Variants in HPS4 observed in about 807,000 individuals in gnomAD.
The protein encoded by HPS4 is HPS4 biogenesis of lysosomal organelles complex 3 subunit 2.
Under a neutral mutation model 70.3 loss-of-function variants are expected in HPS4, and 44 were observed. That is an observed-to-expected ratio of 0.63 (90% CI 0.49 to 0.80). The LOEUF (loss-of-function observed/expected upper bound fraction) is 0.80, where lower values mean the gene tolerates loss of function less well. HPS4 is among the 30% of genes least tolerant of loss of function. The pLI, the probability that HPS4 is intolerant of heterozygous loss-of-function variation, is 0.00. For synonymous variants in HPS4, 377 were observed against 355.9 expected (o/e 1.06, Z -0.67); for missense variants, 873 against 884.4 (o/e 0.99, Z 0.16).
chr22:26,450,712 C>A (rs1033872612), downstream of HPS4, among the ~76,000 whole-genome samples: 1 of 152,190 alleles, frequency 6.6e-6, no homozygotes, highest in Admixed American at 6.5e-5. Context: ...GTTCTTGTGA[C>A]AGTTCTCGTG....
downstream of HPS4, among the ~76,000 whole-genome samples, chr22:26,446,243 A>G (rs532499352): frequency 6.6e-6 from 1 of 151,762 alleles, no homozygotes; most frequent in East Asian, 1.9e-4. Context: ...ACCAATTACT[A>G]TTTGTAGAAG....
chr22:26,467,399 C>A (rs757248856), intron 8 of HPS4: 1 of 152,210 alleles, frequency 6.6e-6, no homozygotes, highest in African/African-American at 2.4e-5. Flanking sequence ...TTTGCCACCT[C>A]CTACTTTAAG....
intron 13 of HPS4, among the ~76,000 whole-genome samples, chr22:26,457,289 TCACTATAACCTCTGC>T (rs1174800978): frequency 2.8e-5 from 4 of 142,748 alleles, no homozygotes; most frequent in African/African-American, 7.8e-5. Context: ...TGATCTCAGC[TCACTATAACCTCTGC>T]CACCCGGGTT....
chr22:26,472,445 T>A, intron 5 of HPS4, 27 bp from the exon 6 acceptor site: 1 of 1,371,298 alleles, frequency 7.3e-7, no homozygotes, highest in Non-Finnish European at 1.0e-6. Flanking sequence ...CTCAGGTCAA[T>A]ATCTGAGATT....
exon 4 of HPS4, chr22:26,444,376 C>T (rs2084890915): frequency 6.6e-6 from 1 of 152,166 alleles, no homozygotes; most frequent in African/African-American, 2.4e-5. Context: ...AGTGAGGAGA[C>T]AGAGAAGACC....
intron 4 of HPS4, 122 bp downstream of exon 4, chr22:26,476,871 A>C (rs956653786): frequency 1.9e-6 from 2 of 1,065,784 alleles, no homozygotes; most frequent in African/African-American, 3.1e-5. Flanking sequence ...GGTGATTACT[A>C]AACACAGTAC....
chr22:26,478,693 A>AT (rs1569126850), intron 3 of HPS4, among the ~76,000 whole-genome samples: 1 of 150,660 alleles, frequency 6.6e-6, no homozygotes, highest in African/African-American at 2.4e-5. Context: ...TTATTTATTT[A>AT]TTTTTTTTGA....
At chr22:26,463,587 T>G (rs567897607) in intron 11 of HPS4, among the ~76,000 whole-genome samples, 1 of 152,328 alleles carries the variant, frequency 6.6e-6, no homozygotes, top group South Asian at 2.1e-4. Context: ...TTCACACAGC[T>G]AGAGGACAAG....
intron 11 of HPS4, among the ~76,000 whole-genome samples, chr22:26,462,143 AAG>A (rs2087422163): frequency 6.6e-6 from 1 of 150,416 alleles, no homozygotes; most frequent in Non-Finnish European, 1.5e-5. Context: ...AAAAAAAAAA[AAG>A]AAGAAAAGAT....
chr22:26,477,472 G>T (rs987051940), intron 3 of HPS4, among the ~76,000 whole-genome samples: 2 of 152,164 alleles, frequency 1.3e-5, no homozygotes, highest in Non-Finnish European at 2.9e-5. Context: ...TAGGATTATA[G>T]GCATATGCTT....
At chr22:26,470,932 G>A (rs778771825) in intron 6 of HPS4, 119 bp from the exon 7 acceptor site, 18 of 1,550,836 alleles carry the variant, frequency 1.2e-5, no homozygotes, top group East Asian at 4.9e-5. Context: ...CCTGGAAAAG[G>A]AGAATGTGTC....
chr22:26,465,340 T>C lies in HPS4; in HGVS notation c.803+115A>G, dbSNP rs1022922407. 10 of 761,350 alleles carry C rather than the reference T, an allele frequency of 1.3e-5. No individual in the cohort carries two copies. The African/African-American group carries it at 1.4e-4, about 10-fold the overall frequency. 47.2% of individuals were successfully genotyped at this position (761,350 alleles called of 1,614,324 possible). A position where few individuals can be genotyped will look rare whatever the true frequency, so the allele number is the denominator to read the frequency against. ...AGATGCTCCTTTACAAGACAGGGCA[T>C]GGGGAAGATGGAATTAAGGAACGAT... is the stretch of plus-strand genomic sequence containing the variant. On this transcript the variant is annotated intron_variant, in intron 10 of 13. Transcript: ENST00000398145.
rs2090448310 is a variant in HPS4 at position 26,475,685 on chromosome 22, A to C, written c.276+1308T>G. 4.2e-5 allele frequency: 2 copies of C among 47,626 alleles called. 1 individual carries two copies. The highest frequency in any genetic ancestry group is 2.2e-3 in the South Asian group (2 of 916). The allele number at this position is 47,626 out of a possible 1,614,324, so 3.0% of individuals were successfully genotyped here. On this transcript the variant is annotated intron_variant, in intron 4 of 13. Transcript: ENST00000398145. ...TAAATTTTAGTTGATGATATGCATGATAGAGAGAGTATCTGTGTGGAGAGT... is the reference window on the plus strand; with the variant it reads ...TAAATTTTAGTTGATGATATGCATGCTAGAGAGAGTATCTGTGTGGAGAGT...
chr22:26,445,778 C>T (rs925594130), intron 3 of HPS4, among the ~76,000 whole-genome samples: 19 of 152,312 alleles, frequency 1.2e-4, no homozygotes, highest in African/African-American at 3.6e-4. Context: ...GAAAACACAT[C>T]GGGACAGCAG....
At chr22:26,471,929 T>C (rs1050908992) in intron 6 of HPS4, among the ~76,000 whole-genome samples, 46 of 152,226 alleles carry the variant, frequency 3.0e-4, no homozygotes, top group African/African-American at 1.1e-3. Flanking sequence ...GAAATGTTCA[T>C]GCTGGGCATT....
At chr22:26,448,623 C>T (rs557373583), downstream of HPS4, among the ~76,000 whole-genome samples, 276 of 152,302 alleles carry the variant, frequency 1.8e-3, 2 homozygotes, top group African/African-American at 6.2e-3. Flanking sequence ...GCTTATACCT[C>T]GGCATGCACA....
In HPS4 at chr22:26,453,042, A is replaced by G; in HGVS notation, c.*191T>C. On this transcript the variant is annotated 3_prime_UTR_variant, in exon 14 of 14. Transcript: ENST00000398145. ...TTTATCAAGTGCTCTGGGTCTGCCG[A>G]CCTGAAGAACTAACCCCTGCCCCCA... 2 of 629,556 alleles carry G rather than the reference A, an allele frequency of 3.2e-6. No individual in the cohort carries two copies. Among genetic ancestry groups the G allele is most frequent in the Non-Finnish European group, 5.5e-6 (2 of 361,288 alleles). The allele number at this position is 629,556 out of a possible 1,614,324, so 39.0% of individuals were successfully genotyped here.
chr22:26,466,113 A>G, intron 9 of HPS4, 113 bp downstream of exon 9: 2 of 1,610,024 alleles, frequency 1.2e-6, no homozygotes, highest in Non-Finnish European at 1.7e-6. Context: ...TCCTATTATG[A>G]GCAGAGGAAA....
At chr22:26,463,163 C>G (rs974110691) in intron 11 of HPS4, among the ~76,000 whole-genome samples, 1 of 152,228 alleles carries the variant, frequency 6.6e-6, no homozygotes, top group Non-Finnish European at 1.5e-5. Flanking sequence ...AGCAACGAAT[C>G]TCCAGCGTGG....
Sources: gnomAD v4.1 joint callset for allele counts (sites outside exome capture counted in the v4.1 genomes callset) on GRCh38, gnomAD v4.1.1 for gene constraint, MANE v1.5 for transcripts, NCBI Gene and HGNC (gene_info 2026-07-23, HGNC 2026-07-21) for gene names.